Variants in MED15 observed in about 807,000 individuals in gnomAD.
The protein encoded by MED15 is mediator of RNA polymerase II transcription subunit 15.
In MED15, 41 loss-of-function variants were observed where a neutral mutation model predicts 118.7. The observed-to-expected ratio is 0.35, with a 90% CI of 0.27 to 0.45. The LOEUF (loss-of-function observed/expected upper bound fraction) is 0.45, where lower values mean the gene tolerates loss of function less well. MED15 is among the 20% of genes least tolerant of loss of function. The pLI, the probability that MED15 is intolerant of heterozygous loss-of-function variation, is 1.00. For missense variants in MED15, 740 were observed against 1,025.5 expected (o/e 0.72, Z 3.80); for synonymous variants, 436 against 413.9 (o/e 1.05, Z -0.65).
chr22:20,575,038 G>C, intron 8 of MED15, 75 bp from the exon 9 acceptor site: 2 of 1,596,340 alleles, frequency 1.3e-6, no homozygotes, highest in Non-Finnish European at 1.7e-6. Context: ...GAGGCTACAC[G>C]TGCCCTCTCC....
intron 1 of MED15, among the ~76,000 whole-genome samples, chr22:20,533,158 G>A (rs188209186): frequency 1.3e-5 from 2 of 152,136 alleles, no homozygotes; most frequent in South Asian, 2.1e-4. Flanking sequence ...CCTGGGTCCT[G>A]CCTGCAGCCT....
chr22:20,508,136 G>A, intron 1 of MED15: 4 of 1,232,078 alleles, frequency 3.2e-6, no homozygotes, highest in Non-Finnish European at 4.1e-6. Context: ...TTCCAGAAAA[G>A]CGCATCAACG....
chr22:20,544,150 C>T (rs1033198084), intron 2 of MED15, among the ~76,000 whole-genome samples: 8 of 152,156 alleles, frequency 5.3e-5, no homozygotes, highest in Non-Finnish European at 8.8e-5. Flanking sequence ...TCCTTTAAGG[C>T]AGAGTCTGGG....
intron 1 of MED15, among the ~76,000 whole-genome samples, chr22:20,525,620 T>C (rs1165193013): frequency 1.4e-5 from 2 of 138,908 alleles, no homozygotes; most frequent in African/African-American, 5.4e-5. Context: ...CACTGCAAAC[T>C]CCACCTCCCG....
chr22:20,573,811 C>T (rs1202899441), intron 8 of MED15: 2 of 152,194 alleles, frequency 1.3e-5, no homozygotes, highest in Non-Finnish European at 1.5e-5. Flanking sequence ...GAACGAGTGC[C>T]GTTGAGCCCT....
intron 3 of MED15, chr22:20,552,525 TG>T (rs1003286547): frequency 1.1e-5 from 5 of 454,164 alleles, no homozygotes; most frequent in Non-Finnish European, 2.3e-5. Context: ...AGACTCCGCA[TG>T]TTCTGCTTTC....
chr22:20,551,665 T>C, intron 3 of MED15, 178 bp downstream of exon 3: 2 of 652,562 alleles, frequency 3.1e-6, no homozygotes, highest in South Asian at 1.8e-5. Flanking sequence ...CCCTCCATCC[T>C]CCCAGAGCCT....
At chr22:20,551,220 CCTT>C (rs1343974928) in intron 2 of MED15, 25 of 694,082 alleles carry the variant, frequency 3.6e-5, no homozygotes, top group Non-Finnish European at 6.0e-5. Context: ...CTCTCTGTCC[CCTT>C]CTTGTTTCTT....
intron 1 of MED15, chr22:20,523,648 C>T (rs1273729280): frequency 3.0e-6 from 3 of 985,256 alleles, no homozygotes; most frequent in Non-Finnish European, 3.6e-6. Context: ...TTGCCACATG[C>T]TTGCCTGGTG....
intron 2 of MED15, among the ~76,000 whole-genome samples, chr22:20,543,621 G>C (rs1335491402): frequency 6.6e-6 from 1 of 150,544 alleles, no homozygotes; most frequent in African/African-American, 2.5e-5. Flanking sequence ...GCAGTAGCGC[G>C]ATCTCGGCTC....
chr22:20,584,525 G>A lies in MED15; in HGVS notation c.1803+100G>A. ...CTTCAAGGTCAGGGCATCTGGGCGG[G>A]GGCCGGGCCTGACCTTGGACCCTGC... is the stretch of plus-strand genomic sequence containing the variant. On this transcript the variant is annotated intron_variant, in intron 14 of 17. Transcript: ENST00000263205. 3 of 1,389,902 alleles carry A rather than the reference G, an allele frequency of 2.2e-6. No homozygotes were observed. In the East Asian group the frequency reaches 6.9e-5, roughly 32 times the overall value. 86.1% of individuals were successfully genotyped at this position (1,389,902 alleles called of 1,614,324 possible).
At chr22:20,578,177 G>A (rs548111675) in intron 9 of MED15, among the ~76,000 whole-genome samples, 7 of 152,266 alleles carry the variant, frequency 4.6e-5, no homozygotes, top group Admixed American at 4.6e-4. Flanking sequence ...CGCCCGCCTC[G>A]GTCTCCAAAA....
intron 1 of MED15, among the ~76,000 whole-genome samples, chr22:20,535,285 TGGTA>T (rs953924056): frequency 6.6e-6 from 1 of 152,006 alleles, no homozygotes; most frequent in African/African-American, 2.4e-5. Context: ...TCTAGCAGGG[TGGTA>T]GGTCAATGTC....
intron 8 of MED15, among the ~76,000 whole-genome samples, chr22:20,570,443 T>C (rs1569235956): frequency 6.8e-6 from 1 of 146,090 alleles, no homozygotes; most frequent in South Asian, 2.2e-4. Flanking sequence ...CCAGGCTGGA[T>C]TGCAGTTTTG....
In MED15 at chr22:20,568,550, C is replaced by T. The variant is rs967021736; in HGVS notation, c.1071C>T (p.Pro357=). 3 of 1,613,802 alleles carry T rather than the reference C, an allele frequency of 1.9e-6. No individual in the cohort carries two copies. Among genetic ancestry groups the T allele is most frequent in the Non-Finnish European group, 2.5e-6 (3 of 1,180,006 alleles). The change falls in exon 8 of 18, where the codon CCC becomes CCT. Residue 357 remains proline (P), a synonymous_variant. Coordinates refer to ENST00000263205, the MANE Select transcript of MED15 (RefSeq NM_001003891.3). ...FVRAPMVVQQ[P]PVQPQVQQQQ... is the part of the protein sequence containing the mutation. ...GAGCTCCGATGGTGGTGCAGCAGCC[C>T]CCAGTGCAGCCCCAGGTGCAGCAGC...
intron 11 of MED15, 58 bp downstream of exon 11, chr22:20,583,025 A>G: frequency 6.3e-7 from 1 of 1,581,930 alleles, no homozygotes; most frequent in Non-Finnish European, 8.6e-7. Flanking sequence ...CTCAGCTCAT[A>G]CTGGGTGTGC....
intron 9 of MED15, among the ~76,000 whole-genome samples, chr22:20,576,854 T>G (rs933456350): frequency 2.0e-5 from 3 of 152,188 alleles, no homozygotes; most frequent in Admixed American, 1.3e-4. Flanking sequence ...CACTCTTGTC[T>G]GCTAAAACTG....
In MED15 at chr22:20,554,959, C is replaced by G. The variant is rs145726043; in HGVS notation, c.262C>G (p.Leu88Val). The change falls in exon 5 of 18, where the codon CTG (leucine) becomes GTG (valine). Residue 88 changes from leucine to valine, a missense_variant. Coordinates refer to ENST00000263205, the MANE Select transcript of MED15 (RefSeq NM_001003891.3). ...VSDPMNALQSLTGGPAAGAAG... is the reference protein window; with the variant it reads ...VSDPMNALQSVTGGPAAGAAG... ...AGATCCTATGAATGCACTCCAGAGC[C>G]TGACTGGCGGACCTGCTGCGGGAGC... 598 of 1,608,776 alleles carry G rather than the reference C, an allele frequency of 3.7e-4. No individual in the cohort carries two copies. The highest frequency in any genetic ancestry group is 4.9e-4 in the Non-Finnish European group (578 of 1,179,698).
At chr22:20,514,133 T>G (rs1157483293) in intron 1 of MED15, among the ~76,000 whole-genome samples, 1 of 152,196 alleles carries the variant, frequency 6.6e-6, no homozygotes, top group East Asian at 1.9e-4. Context: ...CCCAAAGGGC[T>G]AGGATTACAG....
Sources: allele counts gnomAD v4.1 joint callset (sites outside exome capture counted in the v4.1 genomes callset), GRCh38; gene constraint gnomAD v4.1.1; transcripts MANE v1.5; gene names NCBI Gene and HGNC (gene_info 2026-07-23, HGNC 2026-07-21).